HECW1: variants seen among roughly 807,000 people sequenced by gnomAD.
HECW1 encodes the protein E3 ubiquitin-protein ligase HECW1.
In HECW1, 61 loss-of-function variants were observed where a neutral mutation model predicts 182.3. The ratio of observed to expected loss-of-function variants is 0.33; its 90% CI spans 0.27 to 0.41. HECW1 has a LOEUF of 0.41. Among genes scored for constraint, HECW1 ranks in the 10% least tolerant of loss-of-function variants. The pLI, the probability that HECW1 is intolerant of heterozygous loss-of-function variation, is 1.00. For missense variants in HECW1, 1,739 were observed against 2,108.9 expected (o/e 0.82, Z 3.44); for synonymous variants, 859 against 832.6 (o/e 1.03, Z -0.55).
intron 3 of HECW1, among the ~76,000 whole-genome samples, chr7:43,273,770 A>C (rs1279881738): frequency 6.6e-6 from 1 of 152,228 alleles, no homozygotes; most frequent in Non-Finnish European, 1.5e-5. Flanking sequence ...AGATAAGCAA[A>C]TATTGGGAAA....
chr7:43,124,009 T>C (rs1054824865), intron 2 of HECW1, among the ~76,000 whole-genome samples: 2 of 152,240 alleles, frequency 1.3e-5, no homozygotes, highest in African/African-American at 4.8e-5. Context: ...AAATTGTATC[T>C]ACAGGTGTGG....
At chr7:43,233,616 T>C (rs1798064501) in intron 2 of HECW1, among the ~76,000 whole-genome samples, 1 of 152,204 alleles carries the variant, frequency 6.6e-6, no homozygotes, top group Non-Finnish European at 1.5e-5. Context: ...AAATAATACT[T>C]TTGTGGAAGC....
At chr7:43,528,922 T>C (rs548316397) in intron 24 of HECW1, among the ~76,000 whole-genome samples, 2 of 152,304 alleles carry the variant, frequency 1.3e-5, no homozygotes, top group Admixed American at 1.3e-4. Context: ...ATATAAATCA[T>C]GACTTGCATC....
intron 2 of HECW1, among the ~76,000 whole-genome samples, chr7:43,205,538 C>A (rs1245216595): frequency 6.6e-6 from 1 of 152,134 alleles, no homozygotes; most frequent in Non-Finnish European, 1.5e-5. Context: ...AAGGTCAAGG[C>A]CTGCTTGAGA....
intron 4 of HECW1, among the ~76,000 whole-genome samples, chr7:43,317,809 T>TTGCGTG (rs1809527089): frequency 7.0e-6 from 1 of 142,510 alleles, no homozygotes; most frequent in Non-Finnish European, 1.5e-5. Context: ...TTTCTCATTA[T>TTGCGTG]TGTGTGTGTG....
intron 3 of HECW1, among the ~76,000 whole-genome samples, chr7:43,281,706 T>C (rs967846621): frequency 4.1e-5 from 6 of 148,062 alleles, no homozygotes; most frequent in African/African-American, 1.5e-4. Flanking sequence ...TTCTCTTTCT[T>C]TGCTTTCTTT....
intron 2 of HECW1, among the ~76,000 whole-genome samples, chr7:43,137,527 CTTTTATTT>C (rs763279134): frequency 1.5e-4 from 20 of 137,434 alleles, no homozygotes; most frequent in East Asian, 4.3e-4. Flanking sequence ...TTTCTGCCTT[CTTTTATTT>C]ATTTATTTAT....
chr7:43,528,586 C>G (rs1186949704), intron 24 of HECW1, among the ~76,000 whole-genome samples: 2 of 152,126 alleles, frequency 1.3e-5, no homozygotes, highest in Non-Finnish European at 2.9e-5. Flanking sequence ...TCTATATGGT[C>G]AGAGGGTTTG....
At chr7:43,445,712 G>A (rs954103528) in intron 11 of HECW1, 142 bp downstream of exon 11, 1 of 991,846 alleles carries the variant, frequency 1.0e-6, no homozygotes, top group African/African-American at 1.6e-5. Context: ...GTATATACAT[G>A]TGTGCATGTG....
intron 5 of HECW1, among the ~76,000 whole-genome samples, chr7:43,345,400 T>C (rs1013639209): frequency 6.6e-6 from 1 of 152,170 alleles, no homozygotes; most frequent in Non-Finnish European, 1.5e-5. Context: ...CTGAAATCAT[T>C]CTCTTTTATG....
At chr7:43,245,158 CCCTTTATCT>C (rs1562726026) in intron 3 of HECW1, among the ~76,000 whole-genome samples, 1 of 152,202 alleles carries the variant, frequency 6.6e-6, no homozygotes, top group African/African-American at 2.4e-5. Flanking sequence ...ACTTAAATTC[CCCTTTATCT>C]CCTTGAGTAT....
At chr7:43,469,852 G>A (rs2077945081) in intron 16 of HECW1, among the ~76,000 whole-genome samples, 1 of 152,182 alleles carries the variant, frequency 6.6e-6, no homozygotes, top group Non-Finnish European at 1.5e-5. Flanking sequence ...AGCTTTGCCT[G>A]CAGTCATGTC....
chr7:43,182,940 CT>C (rs1176506698), intron 2 of HECW1, among the ~76,000 whole-genome samples: 1 of 151,912 alleles, frequency 6.6e-6, no homozygotes, highest in African/African-American at 2.4e-5. Context: ...TTTTTGGTAG[CT>C]ATTTTAAATG....
intron 24 of HECW1, among the ~76,000 whole-genome samples, chr7:43,528,212 C>T (rs2080837168): frequency 6.6e-6 from 1 of 152,194 alleles, no homozygotes; most frequent in South Asian, 2.1e-4. Context: ...TATTTCAACT[C>T]TCCCAGTAAA....
At chr7:43,376,645 A>T (rs927224284) in intron 6 of HECW1, among the ~76,000 whole-genome samples, 17 of 152,200 alleles carry the variant, frequency 1.1e-4, no homozygotes, top group African/African-American at 3.4e-4. Context: ...CAAGTGGATC[A>T]CTTGAGGTCA....
chr7:43,191,756 C>A (rs1037643981), intron 2 of HECW1, among the ~76,000 whole-genome samples: 5 of 152,122 alleles, frequency 3.3e-5, no homozygotes, highest in African/African-American at 7.2e-5. Flanking sequence ...AGTATTTCAT[C>A]CACTTAATTT....
At chr7:43,239,487 C>G (rs959774599) in intron 2 of HECW1, among the ~76,000 whole-genome samples, 1 of 152,050 alleles carries the variant, frequency 6.6e-6, no homozygotes, top group Non-Finnish European at 1.5e-5. Context: ...GGTCTTTGCC[C>G]TAGAGGGCAA....
chr7:43,219,450 A>G (rs1796757892), intron 2 of HECW1, among the ~76,000 whole-genome samples: 1 of 152,116 alleles, frequency 6.6e-6, no homozygotes, highest in Non-Finnish European at 1.5e-5. Context: ...ACCGAGCTAA[A>G]GAAGGAAGGG....
intron 2 of HECW1, among the ~76,000 whole-genome samples, chr7:43,143,049 C>T (rs1158090912): frequency 6.6e-6 from 1 of 152,160 alleles, no homozygotes; most frequent in Admixed American, 6.5e-5. Flanking sequence ...GTTGCCCAGG[C>T]CAGAGTGCAG....
Sources: allele counts gnomAD v4.1 joint callset (sites outside exome capture counted in the v4.1 genomes callset), GRCh38; gene constraint gnomAD v4.1.1; transcripts MANE v1.5; gene names NCBI Gene and HGNC (gene_info 2026-07-23, HGNC 2026-07-21).